The following KIF24 variants were observed in gnomAD, a reference collection of about 807,000 sequenced individuals.
The protein encoded by KIF24 is kinesin family member 24, also known as kinesin-like protein KIF24.
KIF24 carries 81 observed loss-of-function variants against 118.9 expected under a neutral mutation model. That is an observed-to-expected ratio of 0.68 (90% confidence interval 0.57 to 0.82). The LOEUF is 0.82. Among genes scored for constraint, KIF24 ranks in the 40% least tolerant of loss-of-function variants. The pLI, the probability that KIF24 is intolerant of heterozygous loss-of-function variation, is 0.00. For missense variants in KIF24, 1,560 were observed against 1,661.6 expected (o/e 0.94, Z 1.06); for synonymous variants, 599 against 610.0 (o/e 0.98, Z 0.27).
chr9:34,319,642 A>C (rs751458426), intron 1 of KIF24: 67 of 862,120 alleles, frequency 7.8e-5, no homozygotes, highest in Middle Eastern at 2.2e-4. Context: ...GACAAGATGC[A>C]AGACGAGTTT....
At chr9:34,261,622 ACTTCCAAATAGATCCAATGCTGTTT>A (rs1835060920) in intron 9 of KIF24, among the ~76,000 whole-genome samples, 2 of 152,196 alleles carry the variant, frequency 1.3e-5, no homozygotes, top group Non-Finnish European at 2.9e-5. Flanking sequence ...TCCCATTGTT[ACTTCCAAATAGATCCAATGCTGTTT>A]CTTCTGCATC....
intron 3 of KIF24, among the ~76,000 whole-genome samples, chr9:34,297,503 C>T (rs776433829): frequency 1.3e-5 from 2 of 152,110 alleles, no homozygotes; most frequent in African/African-American, 2.4e-5. Flanking sequence ...TGGCTCACGC[C>T]TGTAATCCCA....
chr9:34,325,468 G>T (rs1308959542), intron 1 of KIF24, among the ~76,000 whole-genome samples: 2 of 151,548 alleles, frequency 1.3e-5, no homozygotes, highest in Non-Finnish European at 2.9e-5. Context: ...TGAGGTGGGT[G>T]GATCACTTGA....
At chr9:34,275,206 C>T (rs1256844179) in intron 6 of KIF24, among the ~76,000 whole-genome samples, 1 of 151,984 alleles carries the variant, frequency 6.6e-6, no homozygotes, top group African/African-American at 2.4e-5. Flanking sequence ...CCAGCCTGGC[C>T]AACACGGTGA....
rs573741085 is a variant in KIF24 at position 34,319,621 on chromosome 9, G to A, written c.-25-8250C>T. On this transcript the variant is annotated intron_variant, in intron 1 of 12. Transcript: ENST00000402558. Reference sequence around the variant, plus strand: ...CTGCTGTTCACTGGGCACCTGGTCCGGCCTAAGGTTGACAAGATGCAAGAC... The same window carrying A: ...CTGCTGTTCACTGGGCACCTGGTCCAGCCTAAGGTTGACAAGATGCAAGAC... 2.6e-5 allele frequency: 23 copies of A among 898,572 alleles called. No individual in the cohort carries two copies. In the African/African-American group the frequency reaches 3.1e-4, roughly 12 times the overall value. The allele number at this position is 898,572 out of a possible 1,614,324, so 55.7% of individuals were successfully genotyped here.
At chr9:34,331,974 C>A (rs1166153612), upstream of KIF24, among the ~76,000 whole-genome samples, 1 of 152,184 alleles carries the variant, frequency 6.6e-6, no homozygotes, top group East Asian at 1.9e-4. Context: ...TCATCCCTTC[C>A]TTTCCTTTCT....
chr9:34,330,369 C>T (rs1837869403), upstream of KIF24, among the ~76,000 whole-genome samples: 3 of 152,154 alleles, frequency 2.0e-5, no homozygotes, highest in South Asian at 4.1e-4. Context: ...CGCGCCACTG[C>T]ACTCCAGCCT....
At chr9:34,261,587 T>C (rs937102103) in intron 9 of KIF24, among the ~76,000 whole-genome samples, 3 of 152,260 alleles carry the variant, frequency 2.0e-5, no homozygotes, top group Non-Finnish European at 2.9e-5. Context: ...TCTTTTAACA[T>C]GAAAAGTTGC....
intron 5 of KIF24, among the ~76,000 whole-genome samples, chr9:34,288,848 CCACACACACACACA>C (rs10537521): frequency 5.8e-4 from 81 of 138,920 alleles, no homozygotes; most frequent in South Asian, 4.6e-3. Context: ...CCCAAATAAA[CCACACACACACACA>C]CACACACACA....
intron 9 of KIF24, among the ~76,000 whole-genome samples, chr9:34,259,943 T>G (rs1432329890): frequency 4.6e-5 from 7 of 152,180 alleles, no homozygotes; most frequent in African/African-American, 1.7e-4. Flanking sequence ...CTCATTAGAT[T>G]AAGAGACTAA....
chr9:34,271,051 T>C (rs906928833), intron 7 of KIF24, among the ~76,000 whole-genome samples: 2 of 151,882 alleles, frequency 1.3e-5, no homozygotes, highest in Non-Finnish European at 2.9e-5. Context: ...ACTATGATCA[T>C]GCCACTGCAC....
At chr9:34,295,665 G>A (rs1457117458) in intron 4 of KIF24, among the ~76,000 whole-genome samples, 1 of 152,006 alleles carries the variant, frequency 6.6e-6, no homozygotes. Flanking sequence ...GTGACAGAGT[G>A]AGACCCTGTC....
rs975958208 is a variant in KIF24 at position 34,313,700 on chromosome 9, T to A, written c.-25-2329A>T. Reference sequence around the variant, plus strand: ...GAAAGGTATAAAAACTTCCCATATATCCCCTGCCTCTCACATGTATAGCTT... The same window carrying A: ...GAAAGGTATAAAAACTTCCCATATAACCCCTGCCTCTCACATGTATAGCTT... On this transcript the variant is annotated intron_variant, in intron 1 of 12. Coordinates refer to ENST00000402558, the MANE Select transcript of KIF24 (RefSeq NM_194313.4). Among the ~76,000 whole-genome samples the A allele has an allele frequency of 2.0e-5, 3 of 150,918 alleles. No homozygotes were observed. The East Asian group carries it at 5.8e-4, about 29-fold the overall frequency.
chr9:34,256,494 A>C lies in KIF24; in HGVS notation c.3113T>G (p.Leu1038Ter). The change falls in exon 11 of 13, where the codon TTA becomes TGA. Residue 1038 changes from leucine to a stop codon, truncating the protein, a stop_gained. Coordinates refer to ENST00000402558, the MANE Select transcript of KIF24 (RefSeq NM_194313.4). LOFTEE classifies it high-confidence loss of function. ...AGAAGCATATTCAGCATGCGTGCCT[A>C]ACTGCCCCCTAGGATCCTCTCCTGG... is the stretch of plus-strand genomic sequence containing the variant. ...AVPGEDPRGQ[L>*]GTHAEYASGL... The C allele has an allele frequency of 6.2e-7, 1 of 1,613,608 alleles. No homozygotes were observed.
chr9:34,289,862 G>A (rs1836185677), intron 5 of KIF24, among the ~76,000 whole-genome samples: 1 of 152,088 alleles, frequency 6.6e-6, no homozygotes, highest in Admixed American at 6.6e-5. Flanking sequence ...AACAGGAAGG[G>A]GTTTAAGTAC....
chr9:34,286,564 T>A, intron 6 of KIF24, 53 bp downstream of exon 6: 1 of 1,295,416 alleles, frequency 7.7e-7, no homozygotes, highest in Non-Finnish European at 1.1e-6. Flanking sequence ...ATGAATTTGT[T>A]CCCTGTACTT....
At chr9:34,272,953 C>T (rs980977266) in intron 6 of KIF24, among the ~76,000 whole-genome samples, 3 of 151,944 alleles carry the variant, frequency 2.0e-5, no homozygotes, top group South Asian at 2.1e-4. Context: ...TTATTTGGGC[C>T]GGGCATGGTG....
At chr9:34,283,825 A>T (rs1206078959) in intron 6 of KIF24, among the ~76,000 whole-genome samples, 1 of 152,238 alleles carries the variant, frequency 6.6e-6, no homozygotes, top group African/African-American at 2.4e-5. Context: ...AATGCAAATT[A>T]AAACCCCACA....
chr9:34,300,735 A>T (rs553311569), intron 3 of KIF24, among the ~76,000 whole-genome samples: 134 of 152,146 alleles, frequency 8.8e-4, no homozygotes, highest in African/African-American at 3.0e-3. Context: ...AGGAGACAAA[A>T]TAATTCGTTG....
Sources: allele counts gnomAD v4.1 joint callset (sites outside exome capture counted in the v4.1 genomes callset), GRCh38; gene constraint gnomAD v4.1.1; transcripts MANE v1.5; gene names NCBI Gene and HGNC (gene_info 2026-07-23, HGNC 2026-07-21).